Variants in TENM1 observed in about 807,000 individuals in gnomAD.
TENM1 encodes the protein teneurin-1.
In TENM1, 35 loss-of-function variants were observed where a neutral mutation model predicts 174.8. The observed-to-expected ratio is 0.20, with a 90% CI of 0.15 to 0.27. The LOEUF is 0.27. Ranked by LOEUF, TENM1 falls within the 10% of genes least tolerant of loss-of-function variation. The probability of loss-of-function intolerance (pLI) is 1.00; values close to 1 mark genes in which losing one functional copy is unlikely to be tolerated. For missense variants in TENM1, 1,633 were observed against 2,130.1 expected (o/e 0.77, Z 4.59); for synonymous variants, 781 against 798.7 (o/e 0.98, Z 0.37).
intron 3 of TENM1, among the ~76,000 whole-genome samples, chrX:124,890,521 A>G (rs2057457201): frequency 8.9e-6 from 1 of 112,341 alleles, no homozygotes; most frequent in Admixed American, 9.4e-5. Context: ...AATGGGCAAA[A>G]GAATAGACAT....
chrX:124,486,042 T>C (rs1398878145), intron 21 of TENM1, among the ~76,000 whole-genome samples: 1 of 111,949 alleles, frequency 8.9e-6, no homozygotes, highest in Non-Finnish European at 1.9e-5. Context: ...CCTATCAATA[T>C]GTAACTTGCC....
chrX:124,395,534 G>A (rs2060323826), intron 27 of TENM1, among the ~76,000 whole-genome samples: 1 of 111,682 alleles, frequency 9.0e-6, no homozygotes, highest in Admixed American at 9.5e-5. Flanking sequence ...GTCAGGGGTA[G>A]GTTTAATTCA....
chrX:124,543,226 A>C (rs1201010760), intron 15 of TENM1, among the ~76,000 whole-genome samples: 1 of 112,418 alleles, frequency 8.9e-6, no homozygotes, highest in Non-Finnish European at 1.9e-5. Context: ...AAGCTGTGTA[A>C]ATTTTCTGGA....
chrX:125,064,669 A>G, the TENM1 span, among the ~76,000 whole-genome samples: 2 of 110,805 alleles, frequency 1.8e-5, no homozygotes, highest in Admixed American at 1.9e-4. Context: ...CACCATAGAC[A>G]TCTTTTTTTT....
chrX:124,405,429 G>T (rs577337262), intron 26 of TENM1, among the ~76,000 whole-genome samples, 163 bp from the exon 30 acceptor site: 37 of 112,095 alleles, frequency 3.3e-4, no homozygotes, highest in African/African-American at 1.2e-3. Context: ...ACAGGCAAAC[G>T]TGTTCCCTAT....
At position 124,390,562 on chromosome X, in the gene TENM1, G is replaced by A. The variant is rs2239480; in HGVS notation, c.5688+1490C>T. Among the ~76,000 whole-genome samples the A allele has an allele frequency of 2.8e-3, 319 of 112,010 alleles. 6 individuals are homozygous for A. The East Asian group carries it at 0.067, about 24-fold the overall frequency. On this transcript the variant is annotated intron_variant, in intron 28 of 31. Transcript: ENST00000422452. The stretch of plus-strand genomic sequence containing the variant: ...GTTGGAATTATGAGTGCAATCCTAC[G>A]TATGCTTCTAAGGAGTGCTGGCTAC...
chrX:125,164,285 T>C, the TENM1 span, among the ~76,000 whole-genome samples: 1 of 111,589 alleles, frequency 9.0e-6, no homozygotes, highest in Non-Finnish European at 1.9e-5. Context: ...CCAGCCACTT[T>C]CAATCCCTCT....
At chrX:124,519,442 T>C (rs1335017527) in intron 18 of TENM1, among the ~76,000 whole-genome samples, 1 of 110,798 alleles carries the variant, frequency 9.0e-6, no homozygotes, top group Non-Finnish European at 1.9e-5. Flanking sequence ...AAAAGAAAAT[T>C]GACATACTAT....
intron 5 of TENM1, among the ~76,000 whole-genome samples, chrX:124,693,956 G>A (rs1470649041): frequency 1.8e-5 from 2 of 111,440 alleles, no homozygotes; most frequent in East Asian, 2.8e-4. Flanking sequence ...TTATTAAAGT[G>A]TAGCTTTTAA....
At chrX:124,566,327 C>G (rs1216772578) in intron 11 of TENM1, among the ~76,000 whole-genome samples, 1 of 112,333 alleles carries the variant, frequency 8.9e-6, no homozygotes, top group African/African-American at 3.2e-5. Context: ...TCAAATGCTA[C>G]TAAGTATTTA....
At chrX:124,439,665 G>A (rs1310744442) in intron 23 of TENM1, among the ~76,000 whole-genome samples, 2 of 111,313 alleles carry the variant, frequency 1.8e-5, no homozygotes, top group Non-Finnish European at 3.8e-5. Flanking sequence ...CAGAAAGGAA[G>A]ATTATATAAT....
At chrX:125,181,007 C>A in the TENM1 span, among the ~76,000 whole-genome samples, 1 of 111,979 alleles carries the variant, frequency 8.9e-6, no homozygotes, top group Admixed American at 9.5e-5. Flanking sequence ...ATATCTGCTT[C>A]TCATTCCCCC....
chrX:125,016,709 A>T, the TENM1 span, among the ~76,000 whole-genome samples: 1 of 111,815 alleles, frequency 8.9e-6, no homozygotes, highest in Non-Finnish European at 1.9e-5. Flanking sequence ...ATTAGAAAAA[A>T]CTACTTTAAA....
chrX:124,612,631 C>A (rs913551023), intron 11 of TENM1, among the ~76,000 whole-genome samples: 5 of 111,464 alleles, frequency 4.5e-5, no homozygotes, highest in South Asian at 3.8e-4. Flanking sequence ...AAAATGACAA[C>A]AGATCACATA....
intron 3 of TENM1, among the ~76,000 whole-genome samples, chrX:124,766,622 G>C (rs1016806620): frequency 1.8e-5 from 2 of 111,250 alleles, no homozygotes; most frequent in Non-Finnish European, 3.8e-5. Flanking sequence ...TAAAAATATG[G>C]TTTCTGGCAA....
chrX:124,395,518 G>A (rs761138334), intron 27 of TENM1, among the ~76,000 whole-genome samples: 35 of 111,385 alleles, frequency 3.1e-4, no homozygotes, highest in Middle Eastern at 4.3e-3. Flanking sequence ...GGCAAGTGCC[G>A]TTTGTGTCAG....
chrX:124,648,273 AAAAG>A (rs2051211398), intron 8 of TENM1, among the ~76,000 whole-genome samples: 1 of 112,573 alleles, frequency 8.9e-6, no homozygotes, highest in Admixed American at 9.4e-5. Context: ...AAAAACAAGA[AAAAG>A]AAAGAGGTAT....
chrX:124,698,249 T>C (rs1193394749), intron 5 of TENM1, among the ~76,000 whole-genome samples: 1 of 110,793 alleles, frequency 9.0e-6, no homozygotes, highest in East Asian at 2.8e-4. Flanking sequence ...TATTTAATAA[T>C]GTTCTAGGTA....
chrX:125,059,948 CT>C, the TENM1 span, among the ~76,000 whole-genome samples: 1 of 108,986 alleles, frequency 9.2e-6, no homozygotes, highest in Non-Finnish European at 1.9e-5. Flanking sequence ...AGCCACTTAC[CT>C]TCCATAATGC....
Sources: gnomAD v4.1 joint callset for allele counts (sites outside exome capture counted in the v4.1 genomes callset) on GRCh38, gnomAD v4.1.1 for gene constraint, MANE v1.5 for transcripts, NCBI Gene and HGNC (gene_info 2026-07-23, HGNC 2026-07-21) for gene names.